The following ADAMTS17 variants were observed in gnomAD, a reference collection of about 807,000 sequenced individuals.
The protein encoded by ADAMTS17 is ADAM metallopeptidase with thrombospondin type 1 motif 17.
A neutral mutation model predicts 141.5 loss-of-function variants in ADAMTS17; 113 were observed. The observed-to-expected ratio is 0.80, with a 90% CI of 0.69 to 0.93. The LOEUF is 0.93. Ranked by LOEUF, ADAMTS17 falls within the 40% of genes least tolerant of loss-of-function variation. ADAMTS17 has a pLI of 0.00. For missense variants in ADAMTS17, 1,659 were observed against 1,517.9 expected (o/e 1.09, Z -1.54); for synonymous variants, 768 against 630.6 (o/e 1.22, Z -3.27).
intron 8 of ADAMTS17, among the ~76,000 whole-genome samples, chr15:100,197,457 C>T (rs2041162705): frequency 6.6e-6 from 1 of 152,140 alleles, no homozygotes; most frequent in Non-Finnish European, 1.5e-5. Flanking sequence ...CAAACCCATT[C>T]TGATTTATGC....
At chr15:100,262,220 A>T in intron 5 of ADAMTS17, 132 bp downstream of exon 5, 1 of 805,332 alleles carries the variant, frequency 1.2e-6, no homozygotes, top group Non-Finnish European at 2.1e-6. Context: ...CTTTCCTCTC[A>T]CGCTGGCAAA....
chr15:100,029,121 C>T (rs1372759457), intron 18 of ADAMTS17, among the ~76,000 whole-genome samples: 3 of 152,098 alleles, frequency 2.0e-5, no homozygotes, highest in South Asian at 2.1e-4. Flanking sequence ...CAGGGTGAAC[C>T]CCTAGTCCTG....
At chr15:100,301,602 A>C (rs2045040181) in intron 3 of ADAMTS17, among the ~76,000 whole-genome samples, 1 of 149,874 alleles carries the variant, frequency 6.7e-6, no homozygotes, top group South Asian at 2.1e-4. Context: ...AAGCGCTGGG[A>C]TTACAGGCGT....
At chr15:100,058,042 A>G (rs902321049) in intron 15 of ADAMTS17, among the ~76,000 whole-genome samples, 5 of 151,918 alleles carry the variant, frequency 3.3e-5, no homozygotes, top group African/African-American at 4.8e-5. Context: ...TAGGCCCCAG[A>G]TGTTTACCAC....
At chr15:100,269,527 T>C (rs1683529491) in intron 4 of ADAMTS17, among the ~76,000 whole-genome samples, 1 of 152,172 alleles carries the variant, frequency 6.6e-6, no homozygotes, top group African/African-American at 2.4e-5. Context: ...GGAGGTGAGC[T>C]CTAGAGAATG....
intron 7 of ADAMTS17, among the ~76,000 whole-genome samples, chr15:100,206,727 G>T (rs1447834614): frequency 6.6e-6 from 1 of 152,132 alleles, no homozygotes. Context: ...CTTCCATGGG[G>T]TCAGATATCC....
At chr15:100,220,268 G>A (rs756665786) in intron 7 of ADAMTS17, among the ~76,000 whole-genome samples, 12 of 152,160 alleles carry the variant, frequency 7.9e-5, no homozygotes, top group Non-Finnish European at 1.2e-4. Flanking sequence ...AGCCCGAGAT[G>A]TCACCAGCGC....
chr15:100,231,858 C>T (rs565078863), intron 7 of ADAMTS17, among the ~76,000 whole-genome samples: 1 of 152,278 alleles, frequency 6.6e-6, no homozygotes, highest in Admixed American at 6.5e-5. Flanking sequence ...TCAGGAGAAG[C>T]GAATAATGTG....
In ADAMTS17 at chr15:100,155,198, T is replaced by C. The variant is rs753243058; in HGVS notation, c.1304A>G (p.Asp435Gly). 2 of 1,614,210 alleles carry C rather than the reference T, an allele frequency of 1.2e-6. No homozygotes were observed. The highest frequency in any genetic ancestry group is 3.3e-5 in the Admixed American group (2 of 60,026). ...DLSWSSCSRD[D>G]LENFLKSKVS... ...GACTTACTTGAGGAAGTTTTCAAGGTCATCTCGGCTGCAGGAGGACCAAGA... is the reference window on the plus strand; with the variant it reads ...GACTTACTTGAGGAAGTTTTCAAGGCCATCTCGGCTGCAGGAGGACCAAGA... The change falls in exon 9 of 22, where the codon GAC becomes GGC. Residue 435 changes from aspartate to glycine, a missense_variant. Coordinates refer to ENST00000268070, the MANE Select transcript of ADAMTS17 (RefSeq NM_139057.4).
At chr15:100,284,091 C>G (rs917590962) in intron 3 of ADAMTS17, among the ~76,000 whole-genome samples, 3 of 150,860 alleles carry the variant, frequency 2.0e-5, no homozygotes, top group African/African-American at 7.4e-5. Flanking sequence ...GGCGACAGAG[C>G]AAGATTCCAT....
At chr15:100,100,790 C>G (rs1318088265) in intron 14 of ADAMTS17, among the ~76,000 whole-genome samples, 1 of 152,142 alleles carries the variant, frequency 6.6e-6, no homozygotes, top group Non-Finnish European at 1.5e-5. Flanking sequence ...GGCCAAAGAT[C>G]CCCACTGCCT....
intron 10 of ADAMTS17, among the ~76,000 whole-genome samples, chr15:100,144,177 T>C (rs2049242114): frequency 6.6e-6 from 1 of 152,262 alleles, no homozygotes; most frequent in Admixed American, 6.5e-5. Context: ...CTGGGTCTAC[T>C]AACCACCATC....
intron 4 of ADAMTS17, among the ~76,000 whole-genome samples, chr15:100,268,866 C>T (rs1467144049): frequency 1.3e-5 from 2 of 152,128 alleles, no homozygotes; most frequent in Non-Finnish European, 2.9e-5. Context: ...ATCACATTAC[C>T]TGACTTCAAA....
chr15:100,209,105 C>G (rs5026356), intron 7 of ADAMTS17, among the ~76,000 whole-genome samples: 38,811 of 105,596 alleles, frequency 0.37, 5,993 homozygotes, highest in Middle Eastern at 0.49. Context: ...AAATATTTGC[C>G]AAGTTAGCAA....
chr15:100,199,527 C>A, intron 7 of ADAMTS17, 104 bp from the exon 8 acceptor site: 1 of 936,490 alleles, frequency 1.1e-6, no homozygotes, highest in Middle Eastern at 2.1e-4. Flanking sequence ...GGCAGGCACA[C>A]GGCAACAATG....
chr15:100,225,487 T>C (rs578212796), intron 7 of ADAMTS17, among the ~76,000 whole-genome samples: 127 of 150,686 alleles, frequency 8.4e-4, no homozygotes, highest in African/African-American at 2.8e-3. Context: ...GCAGTCACGG[T>C]CTCTGTGCCA....
chr15:100,224,969 T>C (rs959751242), intron 7 of ADAMTS17, among the ~76,000 whole-genome samples: 1 of 152,196 alleles, frequency 6.6e-6, no homozygotes, highest in African/African-American at 2.4e-5. Flanking sequence ...CCAGAAGTAA[T>C]GAGCCCCTGG....
intron 7 of ADAMTS17, among the ~76,000 whole-genome samples, chr15:100,211,295 T>C (rs114048039): frequency 1.6e-5 from 1 of 60,882 alleles, no homozygotes; most frequent in Non-Finnish European, 3.5e-5. Context: ...GACAACTTCA[T>C]CTCAAAAAAA....
rs190346773 is a variant in ADAMTS17, at chr15:100,091,703, G to C, written c.2137+4653C>G. 1.2e-4 allele frequency among the ~76,000 whole-genome samples: 18 copies of C among 152,236 alleles called. 1 individual carries two copies. In the East Asian group the frequency reaches 3.1e-3, roughly 26 times the overall value. Reference sequence around the variant, plus strand: ...TAACCATCTTTGGAAGAAAACCATCGGACTGAAAAGGTACCATGATGGACT... The same window carrying C: ...TAACCATCTTTGGAAGAAAACCATCCGACTGAAAAGGTACCATGATGGACT... On this transcript the variant is annotated intron_variant, in intron 15 of 21. Transcript: ENST00000268070.
Sources: allele counts gnomAD v4.1 joint callset (sites outside exome capture counted in the v4.1 genomes callset), GRCh38; gene constraint gnomAD v4.1.1; transcripts MANE v1.5; gene names NCBI Gene and HGNC (gene_info 2026-07-23, HGNC 2026-07-21).